Variants in GAB2 observed in about 807,000 individuals in gnomAD.
GAB2 encodes the protein GRB2-associated-binding protein 2.
Under a neutral mutation model 65.5 loss-of-function variants are expected in GAB2, and 26 were observed. That is an observed-to-expected ratio of 0.40 (90% CI 0.29 to 0.55). GAB2 has a LOEUF of 0.55. GAB2 is among the 20% of genes least tolerant of loss of function. The pLI is 0.53. For synonymous variants in GAB2, 321 were observed against 329.6 expected (o/e 0.97, Z 0.28); for missense variants, 884 against 875.8 (o/e 1.01, Z -0.12).
chr11:78,405,835 G>A (rs1338836694), intron 1 of GAB2, among the ~76,000 whole-genome samples: 1 of 152,138 alleles, frequency 6.6e-6, no homozygotes, highest in African/African-American at 2.4e-5. Context: ...ACACCAACCT[G>A]TGTAGACCAA....
intron 2 of GAB2, among the ~76,000 whole-genome samples, chr11:78,261,221 G>A (rs1440626870): frequency 1.3e-5 from 2 of 152,106 alleles, no homozygotes; most frequent in Admixed American, 6.5e-5. Context: ...CCAGGAGGTC[G>A]AGGTTGCAGT....
intron 2 of GAB2, among the ~76,000 whole-genome samples, chr11:78,270,822 A>C (rs1285953425): frequency 6.6e-6 from 1 of 152,246 alleles, no homozygotes; most frequent in Admixed American, 6.5e-5. Flanking sequence ...ACATTCTCCA[A>C]GCTTTACCTG....
chr11:78,222,222 A>G, intron 6 of GAB2, 27 bp from the exon 7 acceptor site: 1 of 1,466,720 alleles, frequency 6.8e-7, no homozygotes, highest in Non-Finnish European at 9.6e-7. Flanking sequence ...AAGTCTGGTA[A>G]TCAGCCAGTA....
intron 1 of GAB2, chr11:78,318,041 A>G (rs1855647212): frequency 6.6e-6 from 1 of 152,208 alleles, no homozygotes; most frequent in South Asian, 2.1e-4. Context: ...ATGAATATAC[A>G]AAAGGAAGAT....
chr11:78,383,082 G>T (rs1856718238), intron 1 of GAB2, among the ~76,000 whole-genome samples: 1 of 152,126 alleles, frequency 6.6e-6, no homozygotes, highest in Non-Finnish European at 1.5e-5. Flanking sequence ...AGACGAGCCT[G>T]ACCAACATGG....
intron 1 of GAB2, among the ~76,000 whole-genome samples, chr11:78,369,140 T>TC (rs1856535781): frequency 1.7e-5 from 2 of 116,434 alleles, no homozygotes; most frequent in South Asian, 5.1e-4. Flanking sequence ...AGACCCTGTC[T>TC]CAAAAAAAAA....
chr11:78,228,135 T>C (rs1272466655), intron 3 of GAB2, among the ~76,000 whole-genome samples: 3 of 152,198 alleles, frequency 2.0e-5, no homozygotes, highest in Non-Finnish European at 4.4e-5. Flanking sequence ...TGGGACCTAG[T>C]ACGTCACAAT....
chr11:78,384,275 A>G (rs1222450969), intron 1 of GAB2, among the ~76,000 whole-genome samples: 1 of 152,222 alleles, frequency 6.6e-6, no homozygotes. Context: ...TGGGAGACCA[A>G]CAGGTCTGTG....
intron 3 of GAB2, among the ~76,000 whole-genome samples, chr11:78,228,234 AGTGCT>A (rs1864745314): frequency 6.6e-6 from 1 of 152,202 alleles, no homozygotes; most frequent in Non-Finnish European, 1.5e-5. Flanking sequence ...GTTCTCTGTA[AGTGCT>A]TTGGGAAATT....
At chr11:78,237,261 G>C (rs1027046022) in intron 3 of GAB2, among the ~76,000 whole-genome samples, 1 of 152,208 alleles carries the variant, frequency 6.6e-6, no homozygotes, top group Non-Finnish European at 1.5e-5. Context: ...GTCTTAATGT[G>C]TAACAGCCAA....
intron 1 of GAB2, among the ~76,000 whole-genome samples, chr11:78,300,307 A>G (rs1364521398): frequency 6.6e-6 from 1 of 151,974 alleles, no homozygotes; most frequent in Non-Finnish European, 1.5e-5. Flanking sequence ...AAAATTGCTG[A>G]GTAGTGTATG....
In GAB2 at chr11:78,369,311, A is replaced by G. The variant is rs182275074; in HGVS notation, c.75+48335T>C. On this transcript the variant is annotated intron_variant, in intron 1 of 9. Coordinates refer to ENST00000361507, the MANE Select transcript of GAB2 (RefSeq NM_080491.3). The stretch of plus-strand genomic sequence containing the variant: ...TTGCCTTTTAACTGGGTTAGTTTAC[A>G]GTGTATATAAACTTAATGATCAATC... Among the ~76,000 whole-genome samples the G allele has an allele frequency of 7.8e-4, 119 of 152,296 alleles. No homozygotes were observed. The South Asian group carries it at 0.013, about 17-fold the overall frequency.
At chr11:78,283,818 T>G (rs1295920608) in intron 1 of GAB2, among the ~76,000 whole-genome samples, 1 of 152,106 alleles carries the variant, frequency 6.6e-6, no homozygotes, top group Non-Finnish European at 1.5e-5. Context: ...CAGTCTCCAG[T>G]GCTGGCTCCT....
At chr11:78,298,476 GACA>G (rs1866900904) in intron 1 of GAB2, among the ~76,000 whole-genome samples, 1 of 152,202 alleles carries the variant, frequency 6.6e-6, no homozygotes, top group South Asian at 2.1e-4. Context: ...GTATGAGAGA[GACA>G]GGGTCACATC....
At chr11:78,242,187 A>G (rs1865151555) in intron 3 of GAB2, among the ~76,000 whole-genome samples, 1 of 152,248 alleles carries the variant, frequency 6.6e-6, no homozygotes, top group Non-Finnish European at 1.5e-5. Context: ...GAATGATTTA[A>G]TGGGTCAATG....
chr11:78,306,467 G>C (rs1473483574), intron 1 of GAB2, among the ~76,000 whole-genome samples: 1 of 152,158 alleles, frequency 6.6e-6, no homozygotes, highest in African/African-American at 2.4e-5. Flanking sequence ...CCTGAGCTCA[G>C]GCAATCTGCC....
chr11:78,372,198 T>C (rs536602324), intron 1 of GAB2, among the ~76,000 whole-genome samples: 13 of 152,318 alleles, frequency 8.5e-5, no homozygotes, highest in Middle Eastern at 6.8e-3. Context: ...CCATCCTCTA[T>C]AAGTTTACAA....
chr11:78,310,579 C>T (rs1855479497), intron 1 of GAB2, among the ~76,000 whole-genome samples: 1 of 151,514 alleles, frequency 6.6e-6, no homozygotes, highest in Admixed American at 6.6e-5. Flanking sequence ...GGAACCAGGC[C>T]CAGGCCCAAG....
At chr11:78,286,945 A>C (rs1285368705) in intron 1 of GAB2, among the ~76,000 whole-genome samples, 1 of 152,342 alleles carries the variant, frequency 6.6e-6, no homozygotes, top group East Asian at 1.9e-4. Flanking sequence ...GGACTGTTCT[A>C]ACGTCTATAT....
Sources: allele counts gnomAD v4.1 joint callset (sites outside exome capture counted in the v4.1 genomes callset), GRCh38; gene constraint gnomAD v4.1.1; transcripts MANE v1.5; gene names NCBI Gene and HGNC (gene_info 2026-07-23, HGNC 2026-07-21).